Variants in GABRB1 observed in about 807,000 individuals in gnomAD.
The protein encoded by GABRB1 is gamma-aminobutyric acid receptor subunit beta-1.
In GABRB1, 17 loss-of-function variants were observed where a neutral mutation model predicts 51.6. The ratio of observed to expected loss-of-function variants is 0.33; its 90% CI spans 0.23 to 0.49. The LOEUF is 0.49. Ranked by LOEUF, GABRB1 falls within the 20% of genes least tolerant of loss-of-function variation. The pLI is 0.99. For synonymous variants in GABRB1, 247 were observed against 218.9 expected (o/e 1.13, Z -1.14); for missense variants, 410 against 600.6 (o/e 0.68, Z 3.32).
chr4:47,101,995 A>T (rs1736672371), intron 3 of GABRB1, among the ~76,000 whole-genome samples: 1 of 152,018 alleles, frequency 6.6e-6, no homozygotes, highest in Non-Finnish European at 1.5e-5. Flanking sequence ...GTTCTTTGTC[A>T]GAGCTCAAAT....
At chr4:47,364,274 A>T (rs556080329) in intron 5 of GABRB1, among the ~76,000 whole-genome samples, 37 of 152,282 alleles carry the variant, frequency 2.4e-4, no homozygotes, top group African/African-American at 8.4e-4. Context: ...TGGAAGGACA[A>T]AGGCCTCCAA....
chr4:47,414,060 A>C (rs1728841354), intron 8 of GABRB1, among the ~76,000 whole-genome samples: 1 of 152,238 alleles, frequency 6.6e-6, no homozygotes, highest in Admixed American at 6.5e-5. Context: ...TCCATTTGCA[A>C]ATAAATGAAA....
chr4:47,077,499 C>T (rs1206843434), intron 3 of GABRB1, among the ~76,000 whole-genome samples: 1 of 151,936 alleles, frequency 6.6e-6, no homozygotes, highest in African/African-American at 2.4e-5. Flanking sequence ...TTAAATATGC[C>T]TTTGAGACAA....
chr4:47,262,434 C>T (rs1722476990), intron 4 of GABRB1, among the ~76,000 whole-genome samples: 1 of 152,132 alleles, frequency 6.6e-6, no homozygotes, highest in Non-Finnish European at 1.5e-5. Flanking sequence ...CCAACAGACA[C>T]ATGAAAAAAT....
chr4:47,304,768 C>T (rs187621485), intron 4 of GABRB1, among the ~76,000 whole-genome samples: 125 of 152,044 alleles, frequency 8.2e-4, no homozygotes, highest in South Asian at 2.7e-3. Flanking sequence ...TTTATCTTCC[C>T]CTGGATTTTA....
chr4:47,056,476 T>A (rs1726610349), intron 3 of GABRB1, among the ~76,000 whole-genome samples: 1 of 152,168 alleles, frequency 6.6e-6, no homozygotes, highest in South Asian at 2.1e-4. Context: ...GGGTGGTGGC[T>A]CAGGTCACAT....
chr4:47,267,843 A>C (rs186845588), intron 4 of GABRB1, among the ~76,000 whole-genome samples: 2 of 152,114 alleles, frequency 1.3e-5, no homozygotes, highest in Non-Finnish European at 2.9e-5. Context: ...ATAAATGGAG[A>C]TGACTTTAAT....
chr4:47,222,021 A>C (rs879634938), intron 4 of GABRB1, among the ~76,000 whole-genome samples: 5 of 152,138 alleles, frequency 3.3e-5, no homozygotes, highest in Non-Finnish European at 5.9e-5. Context: ...CATTTTAAAA[A>C]TCAAAATTAC....
intron 8 of GABRB1, among the ~76,000 whole-genome samples, chr4:47,411,352 G>GAT (rs1456945180): frequency 1.3e-5 from 2 of 152,032 alleles, no homozygotes; most frequent in Non-Finnish European, 2.9e-5. Flanking sequence ...CAAAAACTTG[G>GAT]ATGTCTCTCA....
At chr4:47,059,920 GACT>G (rs567304943) in intron 3 of GABRB1, among the ~76,000 whole-genome samples, 22 of 152,040 alleles carry the variant, frequency 1.4e-4, no homozygotes, top group Non-Finnish European at 3.1e-4. Flanking sequence ...TCCAAAACTG[GACT>G]TAGAACCTTA....
chr4:47,326,812 A>G (rs1725277556), intron 5 of GABRB1, among the ~76,000 whole-genome samples: 1 of 152,196 alleles, frequency 6.6e-6, no homozygotes, highest in Non-Finnish European at 1.5e-5. Flanking sequence ...TTATTCATAA[A>G]TTACCCAGTT....
intron 4 of GABRB1, among the ~76,000 whole-genome samples, chr4:47,162,940 A>G (rs969163364): frequency 6.6e-6 from 1 of 151,996 alleles, no homozygotes; most frequent in Non-Finnish European, 1.5e-5. Context: ...AGAGCCTCAC[A>G]CTAGTTCTCA....
chr4:47,060,185 T>G (rs1726786535), intron 3 of GABRB1, among the ~76,000 whole-genome samples: 1 of 152,190 alleles, frequency 6.6e-6, no homozygotes, highest in Non-Finnish European at 1.5e-5. Flanking sequence ...AAAGATGATC[T>G]CCAATAGTGA....
At chr4:47,303,154 T>G (rs1258947649) in intron 4 of GABRB1, among the ~76,000 whole-genome samples, 1 of 151,936 alleles carries the variant, frequency 6.6e-6, no homozygotes, top group Non-Finnish European at 1.5e-5. Flanking sequence ...TTTAAAAAGT[T>G]TGACTACTAT....
intron 4 of GABRB1, among the ~76,000 whole-genome samples, chr4:47,289,469 A>G (rs1723644963): frequency 6.6e-6 from 1 of 152,178 alleles, no homozygotes; most frequent in Non-Finnish European, 1.5e-5. Flanking sequence ...ATGTGAACCT[A>G]CACCCATTTG....
At chr4:47,167,964 G>A (rs2109749275) in intron 4 of GABRB1, among the ~76,000 whole-genome samples, 1 of 152,202 alleles carries the variant, frequency 6.6e-6, no homozygotes, top group East Asian at 1.9e-4. Context: ...GGACTAAGAT[G>A]GGAAGTGAAA....
rs576334240 is a variant in GABRB1 at position 47,419,115 on chromosome 4, C to T, written c.1081-6559C>T. 2.7e-4 allele frequency among the ~76,000 whole-genome samples: 41 copies of T among 152,262 alleles called. No homozygotes were observed. In the South Asian group the frequency reaches 8.5e-3, roughly 32 times the overall value. ...TGGTATTGACCATTTTCCTCCATAA[C>T]AACGTAAACACCAGTATTTCAAGAA... On this transcript the variant is annotated intron_variant, in intron 8 of 8. Transcript: ENST00000295454.
intron 4 of GABRB1, among the ~76,000 whole-genome samples, chr4:47,303,429 A>G (rs999218301): frequency 6.6e-6 from 1 of 151,770 alleles, no homozygotes; most frequent in Non-Finnish European, 1.5e-5. Context: ...TCAAAAATAT[A>G]TAAAACTTAC....
At chr4:47,000,881 G>A (rs1443972819) in intron 1 of GABRB1, among the ~76,000 whole-genome samples, 1 of 152,166 alleles carries the variant, frequency 6.6e-6, no homozygotes, top group Non-Finnish European at 1.5e-5. Context: ...TATCCTATTG[G>A]TCAGAGCAGG....
Sources: allele counts gnomAD v4.1 joint callset (sites outside exome capture counted in the v4.1 genomes callset), GRCh38; gene constraint gnomAD v4.1.1; transcripts MANE v1.5; gene names NCBI Gene and HGNC (gene_info 2026-07-23, HGNC 2026-07-21).